The following SLC20A2 variants were observed in gnomAD, a reference collection of about 807,000 sequenced individuals.
The protein encoded by SLC20A2 is solute carrier family 20 member 2.
SLC20A2 carries 30 observed loss-of-function variants against 61.0 expected under a neutral mutation model. The observed-to-expected ratio is 0.49, with a 90% CI of 0.37 to 0.67. SLC20A2 has a LOEUF of 0.67. Among genes scored for constraint, SLC20A2 ranks in the 30% least tolerant of loss-of-function variants. The pLI, the probability that SLC20A2 is intolerant of heterozygous loss-of-function variation, is 0.00. For synonymous variants in SLC20A2, 351 were observed against 353.3 expected (o/e 0.99, Z 0.07); for missense variants, 626 against 866.4 (o/e 0.72, Z 3.48).
intron 6 of SLC20A2, among the ~76,000 whole-genome samples, chr8:42,442,751 A>G (rs1477023708): frequency 6.6e-6 from 1 of 152,216 alleles, no homozygotes; most frequent in Non-Finnish European, 1.5e-5. Context: ...TTCTATTTAA[A>G]TTGTCTAAAG....
At chr8:42,494,021 T>C (rs1439332011) in intron 1 of SLC20A2, among the ~76,000 whole-genome samples, 1 of 152,188 alleles carries the variant, frequency 6.6e-6, no homozygotes, top group Non-Finnish European at 1.5e-5. Context: ...TGTGTGCCAG[T>C]AGTCCCAGCT....
intron 1 of SLC20A2, among the ~76,000 whole-genome samples, chr8:42,492,982 T>A (rs368535312): frequency 6.6e-6 from 1 of 152,140 alleles, no homozygotes; most frequent in Non-Finnish European, 1.5e-5. Context: ...CGCCCAGCCT[T>A]GGTTTTCGAT....
intron 1 of SLC20A2, among the ~76,000 whole-genome samples, chr8:42,482,722 T>TA (rs889901546): frequency 5.0e-5 from 7 of 138,756 alleles, no homozygotes; most frequent in South Asian, 2.3e-4. Context: ...ACCCTGTCTT[T>TA]AAAAAAAACA....
At chr8:42,483,149 C>T (rs1352887536) in intron 1 of SLC20A2, among the ~76,000 whole-genome samples, 1 of 152,176 alleles carries the variant, frequency 6.6e-6, no homozygotes, top group Non-Finnish European at 1.5e-5. Flanking sequence ...AGTTCGAGAC[C>T]ACCCTGGCCA....
At chr8:42,425,396 G>A (rs1803332619) in intron 10 of SLC20A2, among the ~76,000 whole-genome samples, 1 of 152,168 alleles carries the variant, frequency 6.6e-6, no homozygotes, top group Admixed American at 6.5e-5. Context: ...TTTGCCATTT[G>A]GGGACTGTTG....
intron 10 of SLC20A2, among the ~76,000 whole-genome samples, chr8:42,418,322 AC>A (rs1457977536): frequency 2.0e-5 from 3 of 152,070 alleles, no homozygotes; most frequent in Admixed American, 6.6e-5. Flanking sequence ...GCATGCCATC[AC>A]CCTTGGCTAA....
chr8:42,516,055 G>A (rs1811304589), intron 1 of SLC20A2, among the ~76,000 whole-genome samples: 1 of 152,326 alleles, frequency 6.6e-6, no homozygotes, highest in African/African-American at 2.4e-5. Flanking sequence ...AGGGCAGGAA[G>A]TGATGAAATT....
chr8:42,506,197 C>T (rs1453562087), upstream of SLC20A2, among the ~76,000 whole-genome samples: 3 of 152,172 alleles, frequency 2.0e-5, no homozygotes, highest in African/African-American at 7.2e-5. Context: ...ACCTTGGCCT[C>T]CCGAAGTACT....
chr8:42,500,410 C>G (rs1348400702), intron 1 of SLC20A2, among the ~76,000 whole-genome samples: 1 of 152,154 alleles, frequency 6.6e-6, no homozygotes, highest in African/African-American at 2.4e-5. Flanking sequence ...ATCCCATGGC[C>G]TTTGGTTACT....
At position 42,444,779 on chromosome 8, in the gene SLC20A2, G is replaced by C. The variant is rs183757314; in HGVS notation, c.614-17C>G. 1.0e-5 allele frequency: 16 copies of C among 1,594,258 alleles called. No individual in the cohort carries two copies. In the African/African-American group the frequency reaches 2.0e-4, roughly 20 times the overall value. On this transcript the variant is annotated splice_polypyrimidine_tract_variant and intron_variant, in intron 5 of 10. Transcript: ENST00000520262. The stretch of plus-strand genomic sequence containing the variant: ...GGCCGAGCACTGGGAAGGAAAATGA[G>C]AAGCAGTGTCATTACTGGAAACTTC...
At chr8:42,436,282 T>C (rs1804245599) in intron 8 of SLC20A2, among the ~76,000 whole-genome samples, 1 of 152,088 alleles carries the variant, frequency 6.6e-6, no homozygotes, top group Admixed American at 6.5e-5. Flanking sequence ...CGGCCTGTCC[T>C]GAACTCGGGC....
At chr8:42,520,067 GTAGT>G (rs1185478484) in intron 1 of SLC20A2, among the ~76,000 whole-genome samples, 1 of 141,728 alleles carries the variant, frequency 7.1e-6, no homozygotes, top group Non-Finnish European at 1.5e-5. Flanking sequence ...AGGCTGGAGT[GTAGT>G]GACATGATCT....
chr8:42,474,953 A>C (rs1317804551), intron 1 of SLC20A2, among the ~76,000 whole-genome samples: 1 of 151,826 alleles, frequency 6.6e-6, no homozygotes, highest in Non-Finnish European at 1.5e-5. Flanking sequence ...CACTCATTCC[A>C]GATGGTTCTC....
At chr8:42,504,852 C>CAAA (rs771127709), upstream of SLC20A2, among the ~76,000 whole-genome samples, 583 of 16,484 alleles carry the variant, frequency 0.035, 199 homozygotes, top group Admixed American at 0.062. Context: ...GACTCCGTCT[C>CAAA]AAAAAAAAAA....
At chr8:42,421,150 T>C (rs1009078974) in intron 10 of SLC20A2, among the ~76,000 whole-genome samples, 1 of 152,214 alleles carries the variant, frequency 6.6e-6, no homozygotes, top group African/African-American at 2.4e-5. Context: ...CTGAGCAGTT[T>C]TGTGCCTCTT....
chr8:42,448,298 C>A (rs1434682390), intron 5 of SLC20A2, among the ~76,000 whole-genome samples: 2 of 152,230 alleles, frequency 1.3e-5, no homozygotes, highest in African/African-American at 4.8e-5. Flanking sequence ...CTAGAGACCA[C>A]AGGGAGAGAG....
At chr8:42,496,049 C>CTGGG (rs1260341312) in intron 1 of SLC20A2, among the ~76,000 whole-genome samples, 1 of 152,218 alleles carries the variant, frequency 6.6e-6, no homozygotes, top group African/African-American at 2.4e-5. Context: ...CACACCCGGC[C>CTGGG]AGATCCCATT....
At position 42,417,738 on chromosome 8, in the gene SLC20A2, C is replaced by T. The variant is rs1216150842; in HGVS notation, c.*65G>A. ...AGGATGTGTATGTGCGGCACGAGCA[C>T]ACATGTCTCCCACACGCCAACACCA... On this transcript the variant is annotated 3_prime_UTR_variant, in exon 11 of 11. Coordinates refer to ENST00000520262, the MANE Select transcript of SLC20A2 (RefSeq NM_001257180.2). 4 of 1,563,310 alleles carry T rather than the reference C, an allele frequency of 2.6e-6. No individual in the cohort carries two copies. Among genetic ancestry groups the T allele is most frequent in the Non-Finnish European group, 3.5e-6 (4 of 1,137,788 alleles).
At chr8:42,480,268 A>G (rs1808459851) in intron 1 of SLC20A2, among the ~76,000 whole-genome samples, 1 of 152,226 alleles carries the variant, frequency 6.6e-6, no homozygotes. Context: ...ATAAGCCCAA[A>G]GGTTAATTGC....
Sources: allele counts gnomAD v4.1 joint callset (sites outside exome capture counted in the v4.1 genomes callset), GRCh38; gene constraint gnomAD v4.1.1; transcripts MANE v1.5; gene names NCBI Gene and HGNC (gene_info 2026-07-23, HGNC 2026-07-21).